Variants in AHRR observed in about 807,000 individuals in gnomAD.
The protein encoded by AHRR is aryl hydrocarbon receptor repressor.
A neutral mutation model predicts 44.0 loss-of-function variants in AHRR; 28 were observed. That is an observed-to-expected ratio of 0.64 (90% confidence interval 0.47 to 0.87). The LOEUF (loss-of-function observed/expected upper bound fraction) is 0.87, where lower values mean the gene tolerates loss of function less well. Ranked by LOEUF, AHRR falls within the 40% of genes least tolerant of loss-of-function variation. The probability of loss-of-function intolerance (pLI) is 0.00; values close to 1 mark genes in which losing one functional copy is unlikely to be tolerated. For synonymous variants in AHRR, 434 were observed against 407.0 expected, an observed-to-expected ratio of 1.07 and a Z score of -0.80; for missense variants, 990 against 953.9, an observed-to-expected ratio of 1.04 and a Z score of -0.50.
rs2126462590 is a variant in AHRR, at chr5:387,454, G to T, written c.351+10738G>T. On this transcript the variant is annotated intron_variant, in intron 4 of 10. Transcript: ENST00000684583. The surrounding 1 kb of genome is among the most constrained non-coding windows in gnomAD (Gnocchi z 5.1). ...GTACAGCAGGGACCCCATTGTGGGG[G>T]TCCTCCATCCACAGGGACGGATTTT... Among the ~76,000 whole-genome samples, 2 of 152,312 alleles carry T rather than the reference G, an allele frequency of 1.3e-5. No homozygotes were observed. Among genetic ancestry groups the T allele is most frequent in the Middle Eastern group, 3.4e-3 (1 of 294 alleles).
At chr5:355,710 C>T (rs966333550) in intron 3 of AHRR, among the ~76,000 whole-genome samples, 5 of 152,224 alleles carry the variant, frequency 3.3e-5, no homozygotes, top group Non-Finnish European at 7.3e-5. Context: ...CTGCCCCAAG[C>T]CGGGGCAATG....
rs1206282866 is a variant in AHRR at position 326,130 on chromosome 5, C to G, written c.-11+4311C>G. On this transcript the variant is annotated intron_variant, in intron 1 of 10. Coordinates refer to ENST00000684583, the MANE Select transcript of AHRR (RefSeq NM_001377236.1). The surrounding 1 kb of genome is among the most constrained non-coding windows in gnomAD (Gnocchi z 4.1). ...CAAAATGCACATAACATCAAACTAACCATTTAAAAGTGAACAGTTCAGGGG... is the reference window on the plus strand; with the variant it reads ...CAAAATGCACATAACATCAAACTAAGCATTTAAAAGTGAACAGTTCAGGGG... 6.6e-6 allele frequency among the ~76,000 whole-genome samples: 1 copy of G among 152,178 alleles called. No homozygotes were observed. Among genetic ancestry groups the G allele is most frequent in the Non-Finnish European group, 1.5e-5 (1 of 68,034 alleles).
chr5:368,664 G>C (rs189392238), intron 3 of AHRR, among the ~76,000 whole-genome samples: 260 of 152,366 alleles, frequency 1.7e-3, no homozygotes, highest in Middle Eastern at 0.01. Flanking sequence ...TCCAAGGCCA[G>C]GGTGTGTTTC....
At chr5:332,884 T>C (rs555394943) in intron 1 of AHRR, among the ~76,000 whole-genome samples, 1 of 151,892 alleles carries the variant, frequency 6.6e-6, no homozygotes, top group Non-Finnish European at 1.5e-5. Context: ...TTTTATCCTC[T>C]TGCCTAATTG....
At position 403,753 on chromosome 5, in the gene AHRR, T is replaced by G. The variant is rs998084671; in HGVS notation, c.352-9591T>G. On this transcript the variant is annotated intron_variant, in intron 4 of 10. Coordinates refer to ENST00000684583, the MANE Select transcript of AHRR (RefSeq NM_001377236.1). Reference sequence around the variant, plus strand: ...AAATTACTGATGCAGAACATTTGATTCCTTATCATTTCCATGGTCTTTGTT... The same window carrying G: ...AAATTACTGATGCAGAACATTTGATGCCTTATCATTTCCATGGTCTTTGTT... 1.2e-5 allele frequency: 18 copies of G among 1,463,284 alleles called. No homozygotes were observed. The African/African-American group carries it at 2.5e-4, about 21-fold the overall frequency. 90.6% of individuals were successfully genotyped at this position (1,463,284 alleles called of 1,614,324 possible).
intron 1 of AHRR, among the ~76,000 whole-genome samples, chr5:331,029 ACCATG>A (rs1272352786): frequency 1.1e-4 from 16 of 151,800 alleles, no homozygotes; most frequent in African/African-American, 3.9e-4. Flanking sequence ...GGCGCGTGCC[ACCATG>A]CCCAGCTAAT....
chr5:428,494 A>AC (rs1407475227), intron 8 of AHRR, among the ~76,000 whole-genome samples: 1 of 152,124 alleles, frequency 6.6e-6, no homozygotes, highest in Non-Finnish European at 1.5e-5. Context: ...ACCCAGGCCT[A>AC]CCCACAGCTC....
At chr5:422,220 T>C (rs1427265912) in intron 5 of AHRR, among the ~76,000 whole-genome samples, 1 of 152,086 alleles carries the variant, frequency 6.6e-6, no homozygotes, top group East Asian at 1.9e-4. Context: ...TCAGCCTCTG[T>C]GTCAGGGCCC....
rs568044230 is a variant in AHRR at position 338,133 on chromosome 5, G to A, written c.-10-5760G>A. On this transcript the variant is annotated intron_variant, in intron 1 of 10. Transcript: ENST00000684583. This position sits in a 1 kb window ranked among gnomAD's most constrained non-coding sequence, Gnocchi z 4.1. The stretch of plus-strand genomic sequence containing the variant: ...TAGCCGCCATATACTTGATGTCCAC[G>A]TTTGTTGTGAACCCCACAACACACT... 3.3e-5 allele frequency among the ~76,000 whole-genome samples: 5 copies of A among 152,074 alleles called. No homozygotes were observed. The South Asian group carries it at 8.3e-4, about 25-fold the overall frequency.
At chr5:359,935 C>T (rs1055515168) in intron 3 of AHRR, among the ~76,000 whole-genome samples, 1 of 152,212 alleles carries the variant, frequency 6.6e-6, no homozygotes, top group Admixed American at 6.5e-5. Flanking sequence ...TGAAGTTATA[C>T]TTTATTAAGG....
Position 432,813 on chromosome 5 carries a change from C to T in AHRR, c.978C>T (p.Ser326=), listed in dbSNP as rs1356184833. Reference sequence around the variant, plus strand: ...CCCTCTAAACCCCAACAGGAAGGAGCAGCAGAGAGAGCGGCGTTTTGGTGC... The same window carrying T: ...CCCTCTAAACCCCAACAGGAAGGAGTAGCAGAGAGAGCGGCGTTTTGGTGC... ...HGKPNYSAGR[S]SRESGVLVLR... The change falls in exon 10 of 11, where the codon AGC becomes AGT. Residue 326 remains serine (S), a synonymous_variant. Coordinates refer to ENST00000684583, the MANE Select transcript of AHRR (RefSeq NM_001377236.1). The T allele has an allele frequency of 1.2e-6, 2 of 1,613,862 alleles. No homozygotes were observed. The highest frequency in any genetic ancestry group is 1.7e-6 in the Non-Finnish European group (2 of 1,180,030).
At chr5:398,689 C>G (rs1034379258) in intron 4 of AHRR, among the ~76,000 whole-genome samples, 2 of 152,222 alleles carry the variant, frequency 1.3e-5, no homozygotes, top group East Asian at 3.8e-4. Context: ...GCTGTTACTC[C>G]GTTTTAAGCT....
chr5:360,191 T>A (rs1231543181), intron 3 of AHRR, among the ~76,000 whole-genome samples: 9 of 152,126 alleles, frequency 5.9e-5, no homozygotes, highest in Admixed American at 5.9e-4. Flanking sequence ...AAAAGAACCC[T>A]CTGTCCCTCT....
At position 406,267 on chromosome 5, in the gene AHRR, G is replaced by A. The variant is rs1735253686; in HGVS notation, c.352-7077G>A. Among the ~76,000 whole-genome samples the A allele has an allele frequency of 6.6e-6, 1 of 152,168 alleles. No homozygotes were observed. Among genetic ancestry groups the A allele is most frequent in the African/African-American group, 2.4e-5 (1 of 41,434 alleles). On this transcript the variant is annotated intron_variant, in intron 4 of 10. Coordinates refer to ENST00000684583, the MANE Select transcript of AHRR (RefSeq NM_001377236.1). The surrounding 1 kb of genome is among the most constrained non-coding windows in gnomAD (Gnocchi z 4.7). ...CCAGTGGCTCTGTGAGCCGCCTCTT[G>A]TCTGCATTTCTTGCAGGAACATGGA...
At chr5:410,394 TAG>T (rs1735424998) in intron 4 of AHRR, among the ~76,000 whole-genome samples, 1 of 152,080 alleles carries the variant, frequency 6.6e-6, no homozygotes, top group African/African-American at 2.4e-5. Flanking sequence ...TTGTTTTTTG[TAG>T]AGACGGGGTC....
At chr5:334,026 C>G (rs886464052) in intron 1 of AHRR, among the ~76,000 whole-genome samples, 20 of 152,086 alleles carry the variant, frequency 1.3e-4, no homozygotes, top group African/African-American at 4.6e-4. Flanking sequence ...TTTCTTGCAG[C>G]AGTTTGAATA....
intron 1 of AHRR, among the ~76,000 whole-genome samples, chr5:328,462 G>C (rs1253370361): frequency 7.3e-5 from 11 of 151,714 alleles, no homozygotes; most frequent in Admixed American, 7.2e-4. Flanking sequence ...TGTTGGTCAG[G>C]CTGGTCTCCA....
chr5:350,641 G>T (rs1402057720), intron 2 of AHRR, among the ~76,000 whole-genome samples: 1 of 152,118 alleles, frequency 6.6e-6, no homozygotes, highest in African/African-American at 2.4e-5. Context: ...GGTCTTGGGT[G>T]TCCTTCACTG....
chr5:323,936 C>T (rs965035724), intron 1 of AHRR, among the ~76,000 whole-genome samples: 10 of 151,888 alleles, frequency 6.6e-5, no homozygotes, highest in South Asian at 4.1e-4. Flanking sequence ...AAAGACTTGG[C>T]GGCCCTGAAA....
Sources: allele counts gnomAD v4.1 joint callset (sites outside exome capture counted in the v4.1 genomes callset), GRCh38; gene constraint gnomAD v4.1.1; non-coding constraint Gnocchi (gnomAD v3.1); transcripts MANE v1.5; gene names NCBI Gene and HGNC (gene_info 2026-07-23, HGNC 2026-07-21).